The following GAD2 variants were observed in gnomAD, a reference collection of about 807,000 sequenced individuals.
GAD2 encodes 65 kDa glutamic acid decarboxylase.
Under a neutral mutation model 80.1 loss-of-function variants are expected in GAD2, and 22 were observed. The observed-to-expected ratio is 0.27, with a 90% CI of 0.20 to 0.39. The LOEUF (loss-of-function observed/expected upper bound fraction) is 0.39. Among genes scored for constraint, GAD2 ranks in the 10% least tolerant of loss-of-function variants. The pLI, the probability that GAD2 is intolerant of heterozygous loss-of-function variation, is 1.00. For synonymous variants in GAD2, 274 were observed against 256.9 expected, an observed-to-expected ratio of 1.07 and a Z score of -0.64; for missense variants, 624 against 738.4, an observed-to-expected ratio of 0.85 and a Z score of 1.80.
intron 12 of GAD2, among the ~76,000 whole-genome samples, chr10:26,282,968 C>T (rs1391143912): frequency 6.6e-6 from 1 of 152,178 alleles, no homozygotes; most frequent in African/African-American, 2.4e-5. Flanking sequence ...TCATGCAGGG[C>T]ATGAGACCTC....
Position 26,281,113 on chromosome 10 carries a change from C to T in GAD2, c.1236+26C>T, listed in dbSNP as rs747329359. 11 of 1,545,924 alleles carry T rather than the reference C, an allele frequency of 7.1e-6. No homozygotes were observed. In the East Asian group the frequency reaches 2.2e-4, roughly 32 times the overall value. On this transcript the variant is annotated intron_variant, in intron 12 of 15. Coordinates refer to ENST00000376261, the MANE Select transcript of GAD2 (RefSeq NM_001134366.2). ...GTATGTCTCTCTTGACTCTGTGTCCCAGTCCGTGCGTGGGCTTTGACTGTC... is the reference window on the plus strand; with the variant it reads ...GTATGTCTCTCTTGACTCTGTGTCCTAGTCCGTGCGTGGGCTTTGACTGTC...
intron 4 of GAD2, among the ~76,000 whole-genome samples, chr10:26,219,599 C>A (rs982900905): frequency 3.3e-5 from 5 of 152,064 alleles, no homozygotes; most frequent in African/African-American, 1.2e-4. Context: ...GCAGAAAGAA[C>A]TCAAAGTGGA....
At chr10:26,234,880 CT>C (rs529101791) in intron 7 of GAD2, among the ~76,000 whole-genome samples, 4,064 of 149,492 alleles carry the variant, frequency 0.027, 109 homozygotes, top group African/African-American at 0.071. Context: ...GTTGATTATT[CT>C]TTTTTTTTTG....
chr10:26,228,709 G>A (rs8190625), intron 6 of GAD2, among the ~76,000 whole-genome samples: 7 of 152,170 alleles, frequency 4.6e-5, no homozygotes, highest in Non-Finnish European at 1.0e-4. Context: ...GCGCATGCGA[G>A]GGATCTAGGT....
intron 8 of GAD2, among the ~76,000 whole-genome samples, chr10:26,268,502 G>A (rs902500084): frequency 4.0e-5 from 6 of 150,758 alleles, no homozygotes; most frequent in African/African-American, 7.3e-5. Flanking sequence ...TCTGTCTCTC[G>A]TACCATGATT....
rs145045666 is a variant in GAD2, at chr10:26,229,696, C to T, written c.759C>T (p.Ile253=). The stretch of plus-strand genomic sequence containing the variant: ...TATCTAACATGTATGCCATGATGAT[C>T]GCACGCTTTAAGATGTTCCCAGAAG... ...GAISNMYAMM[I]ARFKMFPEVK... is the part of the protein sequence containing the mutation. Residue 253 remains isoleucine, a synonymous_variant, in exon 7 of 16, where the codon ATC becomes ATT. Transcript: ENST00000376261. The T allele has an allele frequency of 2.6e-5, 42 of 1,613,912 alleles. No individual in the cohort carries two copies. The highest frequency in any genetic ancestry group is 3.3e-4 in the Middle Eastern group (2 of 6,084).
At chr10:26,288,952 G>A (rs1481079620) in intron 13 of GAD2, among the ~76,000 whole-genome samples, 1 of 152,096 alleles carries the variant, frequency 6.6e-6, no homozygotes, top group Non-Finnish European at 1.5e-5. Context: ...CCAGGGAAGG[G>A]GATGAAAAGA....
intron 8 of GAD2, among the ~76,000 whole-genome samples, chr10:26,249,375 C>T (rs1187782162): frequency 6.6e-6 from 1 of 152,072 alleles, no homozygotes; most frequent in African/African-American, 2.4e-5. Context: ...CCTCAGTAGC[C>T]GGTACTTAAG....
At chr10:26,280,723 A>G (rs1414026387) in intron 11 of GAD2, among the ~76,000 whole-genome samples, 1 of 152,054 alleles carries the variant, frequency 6.6e-6, no homozygotes, top group Non-Finnish European at 1.5e-5. Flanking sequence ...TCATGGGAGC[A>G]TGGGATGGGG....
At chr10:26,226,933 G>A (rs1589137521) in intron 6 of GAD2, among the ~76,000 whole-genome samples, 1 of 152,170 alleles carries the variant, frequency 6.6e-6, no homozygotes, top group Non-Finnish European at 1.5e-5. Flanking sequence ...CTTAGTCACC[G>A]ACCTTTTCCT....
chr10:26,220,023 A>T (rs1844433465), intron 4 of GAD2, among the ~76,000 whole-genome samples: 1 of 152,170 alleles, frequency 6.6e-6, no homozygotes, highest in South Asian at 2.1e-4. Context: ...TTTATATTCC[A>T]TCCATATTAC....
intron 3 of GAD2, among the ~76,000 whole-genome samples, chr10:26,218,551 T>TCTCTCTCTCTCACACA (rs748110324): frequency 1.8e-4 from 21 of 118,858 alleles, no homozygotes; most frequent in African/African-American, 6.5e-4. Flanking sequence ...TCTCTCTCTC[T>TCTCTCTCTCTCACACA]CACACACACA....
In GAD2 at chr10:26,292,947, C is replaced by A. The variant is rs1024460607; in HGVS notation, c.1540C>A (p.Arg514Ser). The A allele has an allele frequency of 6.2e-7, 1 of 1,613,844 alleles. No homozygotes were observed. Among genetic ancestry groups the A allele is most frequent in the Non-Finnish European group, 8.5e-7 (1 of 1,179,870 alleles). The stretch of plus-strand genomic sequence containing the variant: ...CTTCTGGTACATTCCTCCAAGCTTG[C>A]GTACTCTGGAAGACAATGAAGAGAG... ...VCFWYIPPSL[R>S]TLEDNEERMS... Residue 514 changes from arginine to serine, a missense_variant, in exon 15 of 16, where the codon CGT becomes AGT. Physicochemically the swap from Arg to Ser is moderately radical, Grantham distance 110. Coordinates refer to ENST00000376261, the MANE Select transcript of GAD2 (RefSeq NM_001134366.2).
At chr10:26,292,665 G>A in intron 14 of GAD2, 93 bp downstream of exon 14, 1 of 1,040,660 alleles carries the variant, frequency 9.6e-7, no homozygotes. Flanking sequence ...CCAGGTAAGT[G>A]GGACGATTAC....
In GAD2 at chr10:26,292,516, T is replaced by C. The variant is rs1834227827; in HGVS notation, c.1438T>C (p.Tyr480His). The C allele has an allele frequency of 6.2e-7, 1 of 1,614,038 alleles. No homozygotes were observed. Among genetic ancestry groups the C allele is most frequent in the Non-Finnish European group, 8.5e-7 (1 of 1,179,956 alleles). The change falls in exon 14 of 16, where the codon TAT becomes CAT. Residue 480 changes from tyrosine to histidine, a missense_variant. Transcript: ENST00000376261. ...TGATAAATGTTTGGAGTTGGCAGAG[T>C]ATTTATACAACATCATAAAAAACCG... ...HVDKCLELAEYLYNIIKNREG... is the reference protein window; with the variant it reads ...HVDKCLELAEHLYNIIKNREG...
intron 8 of GAD2, among the ~76,000 whole-genome samples, chr10:26,247,248 G>C (rs572240591): frequency 6.6e-6 from 1 of 152,132 alleles, no homozygotes; most frequent in Non-Finnish European, 1.5e-5. Flanking sequence ...CATGGCATTT[G>C]TAAACTGTCA....
At chr10:26,220,475 A>G (rs1844438946) in intron 4 of GAD2, among the ~76,000 whole-genome samples, 6 of 152,224 alleles carry the variant, frequency 3.9e-5, no homozygotes, top group Admixed American at 3.3e-4. Flanking sequence ...TAGGCATACA[A>G]AAAGCCTTGG....
chr10:26,274,378 AAAGAG>A (rs1281837116), intron 11 of GAD2, among the ~76,000 whole-genome samples: 1 of 152,224 alleles, frequency 6.6e-6, no homozygotes, highest in African/African-American at 2.4e-5. Flanking sequence ...GGTCCAAAGA[AAAGAG>A]AACAACAGAA....
intron 10 of GAD2, 122 bp downstream of exon 10, chr10:26,270,878 T>A: frequency 2.7e-6 from 2 of 730,146 alleles, no homozygotes; most frequent in Non-Finnish European, 4.8e-6. Context: ...GTGGTGATAT[T>A]AAAGCTTTTA....
Sources: allele counts gnomAD v4.1 joint callset (sites outside exome capture counted in the v4.1 genomes callset), GRCh38; gene constraint gnomAD v4.1.1; transcripts MANE v1.5; gene names NCBI Gene and HGNC (gene_info 2026-07-23, HGNC 2026-07-21).